PC: variants seen among roughly 807,000 people sequenced by gnomAD.
The protein encoded by PC is pyruvate carboxylase, mitochondrial.
A neutral mutation model predicts 107.8 loss-of-function variants in PC; 46 were observed. That is an observed-to-expected ratio of 0.43 (90% CI 0.34 to 0.55). The LOEUF (loss-of-function observed/expected upper bound fraction) is 0.55. Among genes scored for constraint, PC ranks in the 20% least tolerant of loss-of-function variants. The pLI is 0.04. For missense variants in PC, 1,241 were observed against 1,643.1 expected, an observed-to-expected ratio of 0.76 and a Z score of 4.23; for synonymous variants, 662 against 684.7, an observed-to-expected ratio of 0.97 and a Z score of 0.52.
intron 3 of PC, among the ~76,000 whole-genome samples, chr11:66,932,199 G>A (rs1948874972): frequency 6.6e-6 from 1 of 152,054 alleles, no homozygotes; most frequent in Non-Finnish European, 1.5e-5. Context: ...TGTACAAGGT[G>A]CAAGTATTAC....
chr11:66,895,964 A>G (rs1371284445), intron 3 of PC, among the ~76,000 whole-genome samples: 1 of 152,262 alleles, frequency 6.6e-6, no homozygotes, highest in Non-Finnish European at 1.5e-5. Context: ...AAGAAAAAAA[A>G]GACAAAAGTA....
Position 66,873,364 on chromosome 11 carries a change from A to G in PC, c.1-1205T>C, listed in dbSNP as rs186865018. On this transcript the variant is annotated intron_variant, in intron 3 of 22. Transcript: ENST00000393960. The stretch of plus-strand genomic sequence containing the variant: ...AAAAAATATATATATATTATATATA[A>G]TATATTATATATAAAATATAAAATA... Among the ~76,000 whole-genome samples the G allele has an allele frequency of 3.2e-3, 360 of 112,192 alleles. 2 individuals carry two copies. Among genetic ancestry groups the G allele is most frequent in the African/African-American group, 0.012 (346 of 29,320 alleles). The allele number at this position is 112,192 out of a possible 152,430, so 73.6% of individuals were successfully genotyped here.
intron 3 of PC, among the ~76,000 whole-genome samples, chr11:66,940,944 T>G (rs1949114403): frequency 6.6e-6 from 1 of 151,222 alleles, no homozygotes; most frequent in Non-Finnish European, 1.5e-5. Flanking sequence ...GGCATGGTGG[T>G]GCATGTTTAC....
Position 66,871,621 on chromosome 11 carries a change from G to A in PC, c.321+66C>T. ...GGCGCTGAGCACGCCAGCCTCAAGA[G>A]ACCCCCGCGGCAACTAAGACTCCCT... On this transcript the variant is annotated intron_variant, in intron 5 of 22. Transcript: ENST00000393960. The surrounding 1 kb of genome is among the most constrained non-coding windows in gnomAD (Gnocchi z 7.4). The A allele has an allele frequency of 6.4e-7, 1 of 1,561,904 alleles. No homozygotes were observed. The highest frequency in any genetic ancestry group is 8.7e-7 in the Non-Finnish European group (1 of 1,148,870).
intron 3 of PC, among the ~76,000 whole-genome samples, chr11:66,892,403 C>T (rs971296068): frequency 2.0e-5 from 3 of 152,262 alleles, no homozygotes; most frequent in South Asian, 2.1e-4. Context: ...CGTTCCAGAA[C>T]GCACAACCAA....
intron 12 of PC, among the ~76,000 whole-genome samples, chr11:66,855,234 G>C (rs565303715): frequency 6.6e-6 from 1 of 152,350 alleles, no homozygotes; most frequent in East Asian, 1.9e-4. Context: ...ATGGGGGCAG[G>C]AACCAGGCCC....
chr11:66,862,767 C>A (rs1345797564), intron 12 of PC, among the ~76,000 whole-genome samples: 1 of 152,218 alleles, frequency 6.6e-6, no homozygotes, highest in East Asian at 1.9e-4. Flanking sequence ...ATCCTAAATA[C>A]CCATTTAGAG....
intron 3 of PC, among the ~76,000 whole-genome samples, chr11:66,939,522 A>G (rs1205180614): frequency 6.6e-6 from 1 of 152,150 alleles, no homozygotes; most frequent in Admixed American, 6.6e-5. Flanking sequence ...ACTCCTGCAG[A>G]GGCTGGACAC....
At chr11:66,851,395 C>T (rs898921961) in intron 16 of PC, 115 bp from the exon 17 acceptor site, 121 of 1,474,418 alleles carry the variant, frequency 8.2e-5, no homozygotes, top group African/African-American at 2.9e-4. Flanking sequence ...CTGAGGGTCT[C>T]GCCTGGCAGG....
At chr11:66,903,149 C>A (rs1018979114) in intron 3 of PC, among the ~76,000 whole-genome samples, 2 of 152,180 alleles carry the variant, frequency 1.3e-5, no homozygotes, top group African/African-American at 4.8e-5. Context: ...AGTCGGGGAC[C>A]TGCGGTGGTG....
chr11:66,947,678 A>C (rs2136146984), intron 3 of PC, among the ~76,000 whole-genome samples: 1 of 152,202 alleles, frequency 6.6e-6, no homozygotes, highest in African/African-American at 2.4e-5. Flanking sequence ...AGACAAGCCT[A>C]AGGGCCAGGT....
Position 66,852,090 on chromosome 11 carries a change from C to A in PC, c.1826-144G>T. ...CCATACCTGTGTTCCCTGCTCCAAC[C>A]CCCACAGATTTTTCCCTTGTCTGAT... On this transcript the variant is annotated intron_variant, in intron 15 of 22. Coordinates refer to ENST00000393960, the MANE Select transcript of PC (RefSeq NM_001040716.2). This position sits in a 1 kb window ranked among gnomAD's most constrained non-coding sequence, Gnocchi z 4.7. 2.4e-6 allele frequency: 2 copies of A among 850,854 alleles called. No individual in the cohort carries two copies. Among genetic ancestry groups the A allele is most frequent in the Admixed American group, 2.2e-5 (1 of 45,722 alleles). The allele number at this position is 850,854 out of a possible 1,614,324, so 52.7% of individuals were successfully genotyped here.
intron 12 of PC, among the ~76,000 whole-genome samples, chr11:66,855,386 C>T: frequency 6.6e-6 from 1 of 152,218 alleles, no homozygotes; most frequent in East Asian, 1.9e-4. Flanking sequence ...ACAATCTCAG[C>T]TCACTGCAAC....
At chr11:66,948,012 A>AAGATAGATAGATAGATAGAT (rs57087967) in intron 3 of PC, among the ~76,000 whole-genome samples, 5 of 134,692 alleles carry the variant, frequency 3.7e-5, no homozygotes, top group East Asian at 2.2e-4. Context: ...ATCTCTACTA[A>AAGATAGATAGATAGATAGAT]AGATAGATAG....
At chr11:66,878,768 T>C (rs959369193) in intron 3 of PC, among the ~76,000 whole-genome samples, 1 of 152,178 alleles carries the variant, frequency 6.6e-6, no homozygotes, top group African/African-American at 2.4e-5. Context: ...GGTGGCAGCA[T>C]GCCAGGCAGA....
chr11:66,956,967 GTC>G (rs1949574562), intron 1 of PC, among the ~76,000 whole-genome samples: 1 of 152,244 alleles, frequency 6.6e-6, no homozygotes, highest in Non-Finnish European at 1.5e-5. Flanking sequence ...CGCCCACGCT[GTC>G]TCTCGGCCCA....
intron 3 of PC, among the ~76,000 whole-genome samples, chr11:66,906,789 G>A (rs1948179858): frequency 6.6e-6 from 1 of 152,196 alleles, no homozygotes; most frequent in Non-Finnish European, 1.5e-5. Flanking sequence ...CCTAAACTGA[G>A]GAAAAGGTTT....
intron 3 of PC, among the ~76,000 whole-genome samples, chr11:66,939,972 G>A (rs531760761): frequency 6.6e-6 from 1 of 152,032 alleles, no homozygotes; most frequent in South Asian, 2.1e-4. Flanking sequence ...TAGGGGAAAA[G>A]CTTTATATTA....
In PC at chr11:66,868,848, GGTGATCTCCTCT is replaced by G; in HGVS notation, c.1008_1019del (p.Glu337_Thr340del). On this transcript the variant is annotated inframe_deletion, in exon 10 of 23. Transcript: ENST00000393960. ...CCCGCCTGCCCGCCCACACTCACTC[GGTGATCTCCTCT>G]GTGACCGTGTGCTCCACCTGCAGGC... 1 of 1,610,814 alleles carries G rather than the reference GGTGATCTCCTCT, an allele frequency of 6.2e-7. No individual in the cohort carries two copies. The highest frequency in any genetic ancestry group is 8.5e-7 in the Non-Finnish European group (1 of 1,177,440).
Sources: gnomAD v4.1 joint callset for allele counts (sites outside exome capture counted in the v4.1 genomes callset) on GRCh38, gnomAD v4.1.1 for gene constraint, Gnocchi (gnomAD v3.1) non-coding constraint, MANE v1.5 for transcripts, NCBI Gene and HGNC (gene_info 2026-07-23, HGNC 2026-07-21) for gene names.